The following PDE7B variants were observed in gnomAD, a reference collection of about 807,000 sequenced individuals.
The protein encoded by PDE7B is 3',5'-cyclic-AMP phosphodiesterase 7B.
Under a neutral mutation model 56.2 loss-of-function variants are expected in PDE7B, and 29 were observed. The ratio of observed to expected loss-of-function variants is 0.52; its 90% CI spans 0.38 to 0.70. PDE7B has a LOEUF of 0.70. Ranked by LOEUF, PDE7B falls within the 30% of genes least tolerant of loss-of-function variation. The pLI, the probability that PDE7B is intolerant of heterozygous loss-of-function variation, is 0.00. For missense variants in PDE7B, 490 were observed against 565.0 expected, an observed-to-expected ratio of 0.87 and a Z score of 1.35; for synonymous variants, 197 against 196.9, an observed-to-expected ratio of 1.00 and a Z score of 0.00.
At chr6:136,172,837 C>G (rs1302547299) in intron 8 of PDE7B, among the ~76,000 whole-genome samples, 1 of 152,144 alleles carries the variant, frequency 6.6e-6, no homozygotes. Context: ...GGAAAAATCA[C>G]AAGCATTCTT....
At chr6:135,885,965 T>G (rs1775702014) in intron 1 of PDE7B, among the ~76,000 whole-genome samples, 1 of 152,194 alleles carries the variant, frequency 6.6e-6, no homozygotes, top group Non-Finnish European at 1.5e-5. Flanking sequence ...TAGAGGATCC[T>G]TACTGCTGTG....
chr6:136,079,466 C>A (rs1777172897), intron 2 of PDE7B, among the ~76,000 whole-genome samples: 1 of 152,036 alleles, frequency 6.6e-6, no homozygotes, highest in Non-Finnish European at 1.5e-5. Context: ...TCAATGGCTC[C>A]AGAGTAACAT....
At chr6:136,184,381 T>C (rs1490949896) in intron 11 of PDE7B, among the ~76,000 whole-genome samples, 1 of 152,188 alleles carries the variant, frequency 6.6e-6, no homozygotes, top group East Asian at 1.9e-4. Flanking sequence ...GAGCTCAGTT[T>C]TGAGTGATGT....
At chr6:136,008,654 G>A (rs571691141) in intron 2 of PDE7B, among the ~76,000 whole-genome samples, 9 of 152,284 alleles carry the variant, frequency 5.9e-5, no homozygotes, top group East Asian at 1.9e-4. Flanking sequence ...GTCTGTTCAC[G>A]TCCTTCGCCC....
intron 7 of PDE7B, among the ~76,000 whole-genome samples, chr6:136,154,655 C>T (rs1373911687): frequency 1.3e-5 from 2 of 152,166 alleles, no homozygotes; most frequent in Admixed American, 6.5e-5. Flanking sequence ...CCCAAGAAAA[C>T]TTGTGAATGT....
At chr6:135,877,752 CA>C (rs75061563) in intron 1 of PDE7B, among the ~76,000 whole-genome samples, 5,846 of 89,078 alleles carry the variant, frequency 0.066, 177 homozygotes, top group Middle Eastern at 0.12. Flanking sequence ...CAAAACAAAA[CA>C]AAAAAAAAAA....
chr6:136,177,513 A>C (rs966760881), intron 9 of PDE7B, among the ~76,000 whole-genome samples: 1 of 152,208 alleles, frequency 6.6e-6, no homozygotes, highest in Non-Finnish European at 1.5e-5. Context: ...TTCACAAAAG[A>C]AGTACAAATG....
At chr6:136,119,903 C>A (rs1047636092) in intron 3 of PDE7B, among the ~76,000 whole-genome samples, 2 of 152,110 alleles carry the variant, frequency 1.3e-5, no homozygotes, top group Non-Finnish European at 2.9e-5. Flanking sequence ...CAGGATTCCC[C>A]TTGAAGGTGG....
intron 1 of PDE7B, among the ~76,000 whole-genome samples, chr6:135,896,412 C>T (rs1333090901): frequency 6.6e-6 from 1 of 152,158 alleles, no homozygotes; most frequent in African/African-American, 2.4e-5. Flanking sequence ...TTCCTAAGCA[C>T]TCTGTAACAC....
chr6:135,945,361 A>G (rs1346005495), intron 1 of PDE7B, among the ~76,000 whole-genome samples: 2 of 152,188 alleles, frequency 1.3e-5, no homozygotes, highest in Non-Finnish European at 2.9e-5. Flanking sequence ...TAGGATCTCC[A>G]TTGAGAACTC....
intron 2 of PDE7B, among the ~76,000 whole-genome samples, chr6:136,055,879 A>G (rs968656070): frequency 3.1e-4 from 47 of 152,350 alleles, no homozygotes; most frequent in African/African-American, 1.1e-3. Context: ...TCCTTTGTAC[A>G]AAGAACAAGC....
rs764114971 is a variant in PDE7B, at chr6:135,947,448, T to A, written c.22-16T>A. 12 of 1,597,760 alleles carry A rather than the reference T, an allele frequency of 7.5e-6. No homozygotes were observed. Among genetic ancestry groups the A allele is most frequent in the Non-Finnish European group, 1.0e-5 (12 of 1,165,390 alleles). On this transcript the variant is annotated splice_polypyrimidine_tract_variant and intron_variant, in intron 1 of 12. Transcript: ENST00000308191. ...TATGAAATCTTAAAATAACCTTGGCTATCTTTCTATTTCAGAGGTGTGGCG... is the reference window on the plus strand; with the variant it reads ...TATGAAATCTTAAAATAACCTTGGCAATCTTTCTATTTCAGAGGTGTGGCG...
chr6:136,007,114 A>G lies in PDE7B; in HGVS notation c.82+59590A>G, dbSNP rs1245040655. ...ACATAGTTTATTGGGAGTTTTTAAC[A>G]TAAAGGGATGTTGGATTTTATCAAA... is the stretch of plus-strand genomic sequence containing the variant. On this transcript the variant is annotated intron_variant, in intron 2 of 12. Coordinates refer to ENST00000308191, the MANE Select transcript of PDE7B (RefSeq NM_018945.4). Among the ~76,000 whole-genome samples the G allele has an allele frequency of 7.9e-5, 12 of 152,314 alleles. No homozygotes were observed. In the South Asian group the frequency reaches 2.5e-3, roughly 32 times the overall value.
intron 8 of PDE7B, among the ~76,000 whole-genome samples, chr6:136,165,117 G>T (rs2128449072): frequency 6.6e-6 from 1 of 152,306 alleles, no homozygotes; most frequent in African/African-American, 2.4e-5. Flanking sequence ...GTGGGAGCAA[G>T]GCCAGTGAAC....
intron 9 of PDE7B, among the ~76,000 whole-genome samples, chr6:136,176,621 A>G (rs1017749228): frequency 6.6e-6 from 1 of 152,106 alleles, no homozygotes; most frequent in African/African-American, 2.4e-5. Context: ...TTTACTAATT[A>G]TATCTTTACT....
intron 5 of PDE7B, among the ~76,000 whole-genome samples, chr6:136,149,887 A>G (rs1016243986): frequency 6.6e-6 from 1 of 152,158 alleles, no homozygotes; most frequent in Non-Finnish European, 1.5e-5. Context: ...TATGCAGTTG[A>G]GAGAAATATA....
intron 3 of PDE7B, among the ~76,000 whole-genome samples, chr6:136,145,969 A>G (rs953538124): frequency 1.3e-5 from 2 of 152,218 alleles, no homozygotes; most frequent in Non-Finnish European, 2.9e-5. Flanking sequence ...AATCTCTGAT[A>G]GATGTCTAAA....
chr6:136,111,482 C>T (rs1297263144), intron 3 of PDE7B, among the ~76,000 whole-genome samples: 1 of 152,178 alleles, frequency 6.6e-6, no homozygotes, highest in Admixed American at 6.5e-5. Context: ...GAAACTAGAA[C>T]AGATAACATT....
chr6:135,954,348 G>T (rs1169478864), intron 2 of PDE7B, among the ~76,000 whole-genome samples: 1 of 152,142 alleles, frequency 6.6e-6, no homozygotes, highest in African/African-American at 2.4e-5. Context: ...CAGTCATCCG[G>T]AGTGCATCTC....
Sources: gnomAD v4.1 joint callset for allele counts (sites outside exome capture counted in the v4.1 genomes callset) on GRCh38, gnomAD v4.1.1 for gene constraint, MANE v1.5 for transcripts, NCBI Gene and HGNC (gene_info 2026-07-23, HGNC 2026-07-21) for gene names.